CTNNA2: variants seen among roughly 807,000 people sequenced by gnomAD.
The protein encoded by CTNNA2 is catenin alpha-2.
A neutral mutation model predicts 101.0 loss-of-function variants in CTNNA2; 42 were observed. The ratio of observed to expected loss-of-function variants is 0.42; its 90% CI spans 0.32 to 0.54. CTNNA2 has a LOEUF of 0.54. Among genes scored for constraint, CTNNA2 ranks in the 20% least tolerant of loss-of-function variants. The pLI is 0.14. For missense variants in CTNNA2, 871 were observed against 1,223.1 expected (o/e 0.71, Z 4.29); for synonymous variants, 450 against 456.4 (o/e 0.99, Z 0.18).
chr2:80,564,291 TCAATA>T (rs535206336), intron 12 of CTNNA2, among the ~76,000 whole-genome samples: 37 of 152,358 alleles, frequency 2.4e-4, no homozygotes, highest in Non-Finnish European at 4.3e-4. Context: ...ATGCTCATGC[TCAATA>T]CTTTATTCGT....
intron 1 of CTNNA2, among the ~76,000 whole-genome samples, chr2:79,643,123 G>A (rs866294745): frequency 2.6e-5 from 4 of 152,008 alleles, no homozygotes; most frequent in African/African-American, 9.7e-5. Flanking sequence ...CTGGGGAGGC[G>A]GGGGTTGCAG....
intron 15 of CTNNA2, among the ~76,000 whole-genome samples, chr2:80,590,082 G>A (rs1696332931): frequency 6.6e-6 from 1 of 152,146 alleles, no homozygotes; most frequent in Admixed American, 6.6e-5. Context: ...CTCTGAGCTA[G>A]TACCTTTGAC....
intron 7 of CTNNA2, among the ~76,000 whole-genome samples, chr2:80,307,420 G>A (rs929815224): frequency 6.6e-6 from 1 of 151,874 alleles, no homozygotes; most frequent in African/African-American, 2.4e-5. Context: ...CGATATGGCT[G>A]TTTTTCATGA....
At chr2:79,736,197 A>C (rs1235439627) in intron 2 of CTNNA2, among the ~76,000 whole-genome samples, 1 of 152,214 alleles carries the variant, frequency 6.6e-6, no homozygotes, top group African/African-American at 2.4e-5. Context: ...TGTGTACAAC[A>C]TACAACATAC....
At chr2:79,586,043 C>A (rs1167824125) in intron 1 of CTNNA2, among the ~76,000 whole-genome samples, 1 of 152,104 alleles carries the variant, frequency 6.6e-6, no homozygotes, top group East Asian at 1.9e-4. Context: ...CTGTGAAGAA[C>A]AAAAGTGTCG....
At chr2:80,230,418 A>G (rs1420739837) in intron 7 of CTNNA2, among the ~76,000 whole-genome samples, 2 of 152,028 alleles carry the variant, frequency 1.3e-5, no homozygotes, top group South Asian at 4.1e-4. Flanking sequence ...ATAAATCAGT[A>G]TTACAATAAT....
Position 79,744,379 on chromosome 2 carries a change from T to C in CTNNA2, c.103-8T>C. On this transcript the variant is annotated splice_polypyrimidine_tract_variant and splice_region_variant and intron_variant, in intron 2 of 18. Coordinates refer to ENST00000402739, the MANE Select transcript of CTNNA2 (RefSeq NM_001282597.3). The stretch of plus-strand genomic sequence containing the variant: ...AAGAAGTTTTACAGTTTCTCTTTTA[T>C]ATTTAAGGTGACTACACTTGTCAAC... The C allele has an allele frequency of 6.3e-7, 1 of 1,591,208 alleles. No homozygotes were observed. The highest frequency in any genetic ancestry group is 8.5e-7 in the Non-Finnish European group (1 of 1,173,072).
intron 1 of CTNNA2, among the ~76,000 whole-genome samples, chr2:79,195,167 C>T (rs1455403414): frequency 1.3e-5 from 2 of 152,184 alleles, no homozygotes; most frequent in East Asian, 1.9e-4. Flanking sequence ...GCCTCTAGAC[C>T]TTCTGTTCTT....
chr2:79,770,686 T>G (rs1203327460), intron 3 of CTNNA2, among the ~76,000 whole-genome samples: 1 of 152,240 alleles, frequency 6.6e-6, no homozygotes, highest in Non-Finnish European at 1.5e-5. Flanking sequence ...TCATTCAATT[T>G]CTGATTACCA....
At chr2:80,479,502 T>G (rs1265535763) in intron 9 of CTNNA2, among the ~76,000 whole-genome samples, 1 of 152,150 alleles carries the variant, frequency 6.6e-6, no homozygotes, top group Non-Finnish European at 1.5e-5. Context: ...TATAGCATGA[T>G]GAAGTGAAGA....
intron 7 of CTNNA2, among the ~76,000 whole-genome samples, chr2:80,070,301 A>G (rs1397789453): frequency 1.3e-5 from 2 of 152,204 alleles, no homozygotes; most frequent in Non-Finnish European, 2.9e-5. Context: ...GTTTCCAAAA[A>G]TGTTCTATAT....
At chr2:79,729,205 T>G (rs75165119) in intron 2 of CTNNA2, among the ~76,000 whole-genome samples, 5,508 of 152,262 alleles carry the variant, frequency 0.036, 121 homozygotes, top group South Asian at 0.082. Flanking sequence ...GTTCAATTAT[T>G]CTGACCTCAT....
At chr2:79,372,669 A>G (rs1477325886) in intron 3 of CTNNA2, among the ~76,000 whole-genome samples, 1 of 152,232 alleles carries the variant, frequency 6.6e-6, no homozygotes, top group Non-Finnish European at 1.5e-5. Flanking sequence ...TTTTCAGGAC[A>G]GATCCCTTGA....
intron 7 of CTNNA2, among the ~76,000 whole-genome samples, chr2:79,983,743 AG>A (rs1457288043): frequency 6.6e-6 from 1 of 152,224 alleles, no homozygotes; most frequent in Non-Finnish European, 1.5e-5. Context: ...TGAAAATAAA[AG>A]ATTTTCTAAT....
At chr2:79,565,324 C>T (rs1558734682) in intron 1 of CTNNA2, among the ~76,000 whole-genome samples, 1 of 151,964 alleles carries the variant, frequency 6.6e-6, no homozygotes, top group Non-Finnish European at 1.5e-5. Context: ...CAGGTTGAAT[C>T]TCAGGTACTA....
intron 4 of CTNNA2, among the ~76,000 whole-genome samples, chr2:79,470,599 C>A (rs1484005547): frequency 6.6e-6 from 1 of 152,126 alleles, no homozygotes; most frequent in Non-Finnish European, 1.5e-5. Flanking sequence ...TAATAATTAC[C>A]AAATACTGGA....
intron 18 of CTNNA2, among the ~76,000 whole-genome samples, chr2:80,636,316 C>T (rs766414416): frequency 6.6e-5 from 10 of 151,948 alleles, no homozygotes; most frequent in East Asian, 5.8e-4. Context: ...GGTTTAAGAC[C>T]GAATAAAAGA....
At chr2:79,521,113 T>G (rs1672083788) in intron 1 of CTNNA2, among the ~76,000 whole-genome samples, 1 of 672 alleles carries the variant, frequency 1.5e-3, no homozygotes, top group Non-Finnish European at 5.8e-3. Flanking sequence ...TGCTGATATA[T>G]ATATATATAT....
At chr2:79,356,639 A>T (rs1038753393) in intron 3 of CTNNA2, among the ~76,000 whole-genome samples, 1 of 152,150 alleles carries the variant, frequency 6.6e-6, no homozygotes, top group African/African-American at 2.4e-5. Context: ...AAAAAATACA[A>T]CCCAACGTCT....
Sources: allele counts gnomAD v4.1 joint callset (sites outside exome capture counted in the v4.1 genomes callset), GRCh38; gene constraint gnomAD v4.1.1; transcripts MANE v1.5; gene names NCBI Gene and HGNC (gene_info 2026-07-23, HGNC 2026-07-21).